Variants in HMCN1 observed in about 807,000 individuals in gnomAD.
HMCN1 encodes the protein hemicentin-1.
A neutral mutation model predicts 625.9 loss-of-function variants in HMCN1; 321 were observed. That is an observed-to-expected ratio of 0.51 (90% CI 0.47 to 0.56). HMCN1 has a LOEUF of 0.56. Among genes scored for constraint, HMCN1 ranks in the 20% least tolerant of loss-of-function variants. HMCN1 has a pLI of 0.00. For missense variants in HMCN1, 6,588 were observed against 6,887.3 expected (o/e 0.96, Z 1.54); for synonymous variants, 2,425 against 2,417.6 (o/e 1.00, Z -0.09).
chr1:185,797,760 A>T (rs1482536264), intron 1 of HMCN1, among the ~76,000 whole-genome samples: 1 of 129,404 alleles, frequency 7.7e-6, no homozygotes, highest in African/African-American at 4.8e-5. Flanking sequence ...AGGTCAGGAG[A>T]TCGAGACCAT....
chr1:186,020,865 G>A (rs950818942), intron 35 of HMCN1, among the ~76,000 whole-genome samples: 3 of 152,080 alleles, frequency 2.0e-5, no homozygotes, highest in African/African-American at 4.8e-5. Flanking sequence ...GGGAGAGGTG[G>A]TATTAAAGAT....
intron 70 of HMCN1, among the ~76,000 whole-genome samples, chr1:186,107,831 C>T (rs1170925080): frequency 6.6e-6 from 1 of 151,944 alleles, no homozygotes; most frequent in Non-Finnish European, 1.5e-5. Flanking sequence ...CAAATTACTT[C>T]CTAGAAGAGT....
intron 74 of HMCN1, 35 bp downstream of exon 74, chr1:186,114,981 G>A: frequency 6.2e-7 from 1 of 1,613,860 alleles, no homozygotes; most frequent in Non-Finnish European, 8.5e-7. Context: ...TCCGGTCTCT[G>A]TGTCAAATGC....
At chr1:185,781,827 G>C (rs1425171037) in intron 1 of HMCN1, among the ~76,000 whole-genome samples, 2 of 152,216 alleles carry the variant, frequency 1.3e-5, no homozygotes, top group African/African-American at 2.4e-5. Context: ...ATGTTCTGTT[G>C]ATTTGGGGTG....
rs566128609 is a variant in HMCN1, at chr1:185,891,421, T to G, written c.622-17916T>G. 2.2e-4 allele frequency among the ~76,000 whole-genome samples: 33 copies of G among 148,654 alleles called. 5 individuals carry two copies. The highest frequency in any genetic ancestry group is 8.7e-4 in the African/African-American group (33 of 37,970). ...CTTGCTAGTCTCGATGTTCTTTACATTTTGGCATGATTTTGCAGCGGCTGG... is the reference window on the plus strand; with the variant it reads ...CTTGCTAGTCTCGATGTTCTTTACAGTTTGGCATGATTTTGCAGCGGCTGG... On this transcript the variant is annotated intron_variant, in intron 4 of 106. Transcript: ENST00000271588.
intron 4 of HMCN1, among the ~76,000 whole-genome samples, chr1:185,866,907 A>T (rs1163295932): frequency 6.6e-6 from 1 of 151,486 alleles, no homozygotes; most frequent in Admixed American, 6.6e-5. Context: ...CAGGATATGC[A>T]GGTTTGTTAC....
At chr1:185,779,564 TG>T (rs1656899116) in intron 1 of HMCN1, among the ~76,000 whole-genome samples, 1 of 152,238 alleles carries the variant, frequency 6.6e-6, no homozygotes, top group African/African-American at 2.4e-5. Context: ...TTTCTACATA[TG>T]GCTAGCCAGT....
In HMCN1 at chr1:185,897,405, C is replaced by A. The variant is rs1174753100; in HGVS notation, c.622-11932C>A. Reference sequence around the variant, plus strand: ...AACTCCTTCAGTGACTTCCATAGATCTTCAGGGTAAGATCTGCCATCCAGC... The same window carrying A: ...AACTCCTTCAGTGACTTCCATAGATATTCAGGGTAAGATCTGCCATCCAGC... On this transcript the variant is annotated intron_variant, in intron 4 of 106. Transcript: ENST00000271588. 3.9e-5 allele frequency among the ~76,000 whole-genome samples: 6 copies of A among 152,150 alleles called. No individual in the cohort carries two copies. The East Asian group carries it at 1.2e-3, about 29-fold the overall frequency.
intron 57 of HMCN1, 114 bp downstream of exon 57, chr1:186,083,075 C>A: frequency 2.1e-6 from 1 of 466,922 alleles, no homozygotes; most frequent in East Asian, 3.5e-5. Flanking sequence ...ATGTGAGGAG[C>A]CTATACTCAT....
chr1:186,022,994 A>T, intron 35 of HMCN1, 36 bp from the exon 36 acceptor site: 1 of 1,606,656 alleles, frequency 6.2e-7, no homozygotes, highest in Non-Finnish European at 8.5e-7. Context: ...CAAGTATAAG[A>T]TACAAAAATC....
intron 1 of HMCN1, among the ~76,000 whole-genome samples, chr1:185,779,304 C>T (rs921207465): frequency 5.3e-5 from 8 of 152,160 alleles, no homozygotes; most frequent in African/African-American, 1.9e-4. Context: ...GTTGCCTGTT[C>T]ACTCTGATGG....
chr1:186,129,437 T>A (rs1052490028), intron 83 of HMCN1, among the ~76,000 whole-genome samples: 1 of 151,760 alleles, frequency 6.6e-6, no homozygotes, highest in Admixed American at 6.6e-5. Flanking sequence ...CCATTTATGA[T>A]TTACAGAGAA....
chr1:185,844,766 C>T (rs555188240), intron 1 of HMCN1, among the ~76,000 whole-genome samples: 98 of 152,274 alleles, frequency 6.4e-4, no homozygotes, highest in African/African-American at 2.4e-3. Context: ...CATGGATTCT[C>T]TCTGGGGAAA....
At chr1:185,814,351 A>G (rs1488799185) in intron 1 of HMCN1, among the ~76,000 whole-genome samples, 1 of 152,198 alleles carries the variant, frequency 6.6e-6, no homozygotes, top group East Asian at 1.9e-4. Flanking sequence ...TGCTAGAAAC[A>G]GAGTTGGTGG....
intron 4 of HMCN1, among the ~76,000 whole-genome samples, chr1:185,889,638 C>A (rs1453147939): frequency 1.4e-5 from 2 of 138,048 alleles, no homozygotes; most frequent in African/African-American, 3.2e-5. Flanking sequence ...ATTGAACCAG[C>A]CTTGCATCCC....
intron 81 of HMCN1, among the ~76,000 whole-genome samples, chr1:186,123,478 C>G (rs1322126221): frequency 6.6e-6 from 1 of 152,026 alleles, no homozygotes; most frequent in East Asian, 1.9e-4. Context: ...TGCTAGTACC[C>G]TCACATATTG....
chr1:185,811,889 T>C (rs1238955799), intron 1 of HMCN1, among the ~76,000 whole-genome samples: 1 of 152,218 alleles, frequency 6.6e-6, no homozygotes, highest in South Asian at 2.1e-4. Context: ...ACTTCAGATA[T>C]TTTGAGATTG....
chr1:186,104,541 A>G (rs1660524462), intron 69 of HMCN1, among the ~76,000 whole-genome samples: 1 of 152,184 alleles, frequency 6.6e-6, no homozygotes, highest in Non-Finnish European at 1.5e-5. Context: ...TAAACTCTCT[A>G]CTATGTCCTG....
At chr1:185,936,003 GA>G (rs1185453183) in intron 11 of HMCN1, among the ~76,000 whole-genome samples, 1 of 152,054 alleles carries the variant, frequency 6.6e-6, no homozygotes, top group Non-Finnish European at 1.5e-5. Context: ...AATAGTTTTA[GA>G]AAACTTAAAA....
Sources: gnomAD v4.1 joint callset for allele counts (sites outside exome capture counted in the v4.1 genomes callset) on GRCh38, gnomAD v4.1.1 for gene constraint, MANE v1.5 for transcripts, NCBI Gene and HGNC (gene_info 2026-07-23, HGNC 2026-07-21) for gene names.